DPYD: variants seen among roughly 807,000 people sequenced by gnomAD.
The protein encoded by DPYD is dihydropyrimidine dehydrogenase.
In DPYD, 109 loss-of-function variants were observed where a neutral mutation model predicts 116.2. The ratio of observed to expected loss-of-function variants is 0.94; its 90% CI spans 0.80 to 1.10. The LOEUF is 1.10. Ranked by LOEUF, DPYD falls within the 50% of genes least tolerant of loss-of-function variation. The pLI is 0.00. For synonymous variants in DPYD, 440 were observed against 432.0 expected (o/e 1.02, Z -0.23); for missense variants, 1,302 against 1,254.5 (o/e 1.04, Z -0.57).
intron 12 of DPYD, among the ~76,000 whole-genome samples, chr1:97,529,631 TTTA>T (rs1426745551): frequency 6.6e-6 from 1 of 152,156 alleles, no homozygotes; most frequent in Non-Finnish European, 1.5e-5. Flanking sequence ...CTTGTGTCCC[TTTA>T]TTGTTGCTTA....
intron 20 of DPYD, among the ~76,000 whole-genome samples, chr1:97,179,335 G>T (rs577253182): frequency 3.3e-5 from 5 of 152,182 alleles, no homozygotes; most frequent in African/African-American, 1.2e-4. Context: ...TAAAGACTTG[G>T]TAACATTTAG....
At chr1:97,224,649 C>A (rs1660993935) in intron 19 of DPYD, among the ~76,000 whole-genome samples, 1 of 151,884 alleles carries the variant, frequency 6.6e-6, no homozygotes, top group South Asian at 2.1e-4. Flanking sequence ...CCTTGAACTG[C>A]ATCTCTTTGT....
chr1:97,608,737 C>T (rs918291521), intron 8 of DPYD, among the ~76,000 whole-genome samples: 14 of 151,458 alleles, frequency 9.2e-5, no homozygotes, highest in African/African-American at 3.1e-4. Flanking sequence ...TTAAAATGTA[C>T]ATTAATATGC....
intron 11 of DPYD, among the ~76,000 whole-genome samples, chr1:97,566,911 A>C (rs1201893483): frequency 6.6e-6 from 1 of 152,212 alleles, no homozygotes; most frequent in Non-Finnish European, 1.5e-5. Context: ...CATTTTAATA[A>C]GGAGTAAATC....
At chr1:97,524,195 C>T (rs12061124) in intron 12 of DPYD, among the ~76,000 whole-genome samples, 12,665 of 152,046 alleles carry the variant, frequency 0.083, 640 homozygotes, top group South Asian at 0.1. Flanking sequence ...TCATTGGGGT[C>T]CCTTAGATGC....
intron 3 of DPYD, among the ~76,000 whole-genome samples, chr1:97,748,743 AC>A (rs528944407): frequency 8.5e-4 from 130 of 152,348 alleles, no homozygotes; most frequent in Middle Eastern, 6.8e-3. Context: ...AAATCAAACA[AC>A]AAAAATACAT....
intron 8 of DPYD, among the ~76,000 whole-genome samples, chr1:97,612,290 G>C (rs1392108401): frequency 2.6e-5 from 4 of 152,160 alleles, no homozygotes; most frequent in African/African-American, 9.6e-5. Context: ...GTTCCTGTTA[G>C]GGTGGTCTAA....
chr1:97,743,601 G>A (rs1664384506), intron 3 of DPYD, among the ~76,000 whole-genome samples: 2 of 152,030 alleles, frequency 1.3e-5, no homozygotes. Flanking sequence ...AAATCAGAAA[G>A]GTACTGCATT....
intron 8 of DPYD, among the ~76,000 whole-genome samples, chr1:97,651,495 C>T (rs890983693): frequency 2.6e-5 from 4 of 152,112 alleles, no homozygotes; most frequent in Admixed American, 6.6e-5. Flanking sequence ...CGCTGCAAGG[C>T]TGCCGTTCAT....
intron 20 of DPYD, among the ~76,000 whole-genome samples, chr1:97,107,535 C>T (rs764875779): frequency 4.6e-5 from 7 of 152,080 alleles, no homozygotes; most frequent in Non-Finnish European, 1.0e-4. Context: ...ACTGCACCAT[C>T]ATCATCACCT....
chr1:97,578,253 G>A (rs1036063300), intron 10 of DPYD, among the ~76,000 whole-genome samples: 1 of 151,988 alleles, frequency 6.6e-6, no homozygotes, highest in African/African-American at 2.4e-5. Context: ...TCTTCACACA[G>A]AAAATACATA....
At chr1:97,720,233 T>C (rs1662848093) in intron 5 of DPYD, 1 of 984,844 alleles carries the variant, frequency 1.0e-6, no homozygotes. Flanking sequence ...AATGATATCA[T>C]TTTAATTCAT....
rs189496622 is a variant in DPYD at position 97,572,722 on chromosome 1, C to A, written c.1339+1038G>T. Among the ~76,000 whole-genome samples, 592 of 152,068 alleles carry A rather than the reference C, an allele frequency of 3.9e-3. 6 individuals are homozygous for A. Among genetic ancestry groups the A allele is most frequent in the African/African-American group, 0.014 (572 of 41,530 alleles). ...AAAAGTGACAAATTTAGGCCATCAT[C>A]CAGCTATTTGAAAACATTTATCTCG... On this transcript the variant is annotated intron_variant, in intron 11 of 22. Transcript: ENST00000370192.
intron 14 of DPYD, among the ~76,000 whole-genome samples, chr1:97,427,271 C>T (rs1012325032): frequency 3.7e-4 from 56 of 151,940 alleles, no homozygotes; most frequent in African/African-American, 1.3e-3. Context: ...TATTGGAAGT[C>T]TTAAAGATCA....
At chr1:97,158,571 A>G (rs552088187) in intron 20 of DPYD, among the ~76,000 whole-genome samples, 2 of 151,374 alleles carry the variant, frequency 1.3e-5, no homozygotes, top group South Asian at 4.2e-4. Flanking sequence ...CAGAAACTAA[A>G]GGGGAATTGG....
chr1:97,793,940 T>C (rs1156701536), intron 3 of DPYD, among the ~76,000 whole-genome samples: 1 of 152,158 alleles, frequency 6.6e-6, no homozygotes, highest in Non-Finnish European at 1.5e-5. Flanking sequence ...GTTTGGTTTG[T>C]TTGTTTGTTT....
chr1:97,242,773 G>A (rs1570744322), intron 18 of DPYD, among the ~76,000 whole-genome samples: 1 of 151,648 alleles, frequency 6.6e-6, no homozygotes, highest in Middle Eastern at 3.4e-3. Context: ...ACATTACAAA[G>A]AACATGTTTG....
chr1:97,688,914 A>C (rs189911238), intron 7 of DPYD, among the ~76,000 whole-genome samples: 38 of 152,104 alleles, frequency 2.5e-4, no homozygotes, highest in African/African-American at 8.7e-4. Flanking sequence ...ACTCAACGTA[A>C]GTATTTACAA....
intron 19 of DPYD, among the ~76,000 whole-genome samples, chr1:97,204,806 A>G (rs573882429): frequency 1.2e-3 from 176 of 152,148 alleles, no homozygotes; most frequent in African/African-American, 4.0e-3. Context: ...TCTTTCAGAT[A>G]CTTATGCAGG....
Sources: allele counts gnomAD v4.1 joint callset (sites outside exome capture counted in the v4.1 genomes callset), GRCh38; gene constraint gnomAD v4.1.1; transcripts MANE v1.5; gene names NCBI Gene and HGNC (gene_info 2026-07-23, HGNC 2026-07-21).